STAT5B: variants seen among roughly 807,000 people sequenced by gnomAD.
STAT5B encodes the protein transcription factor STAT5B.
Under a neutral mutation model 107.8 loss-of-function variants are expected in STAT5B, and 21 were observed. The observed-to-expected ratio is 0.19, with a 90% CI of 0.14 to 0.28. STAT5B has a LOEUF of 0.28. Ranked by LOEUF, STAT5B falls within the 10% of genes least tolerant of loss-of-function variation. The probability of loss-of-function intolerance (pLI) is 1.00; values close to 1 mark genes in which losing one functional copy is unlikely to be tolerated. For synonymous variants in STAT5B, 325 were observed against 401.7 expected, an observed-to-expected ratio of 0.81 and a Z score of 2.28; for missense variants, 565 against 1,008.2, an observed-to-expected ratio of 0.56 and a Z score of 5.95.
At chr17:42,239,704 C>T (rs1173884471) in intron 1 of STAT5B, among the ~76,000 whole-genome samples, 1 of 152,180 alleles carries the variant, frequency 6.6e-6, no homozygotes, top group Admixed American at 6.5e-5. Context: ...AGAATTGTAA[C>T]ATGGTGAAAC....
At chr17:42,231,834 C>A (rs2080319872) in intron 2 of STAT5B, among the ~76,000 whole-genome samples, 166 bp downstream of exon 2, 1 of 152,154 alleles carries the variant, frequency 6.6e-6, no homozygotes, top group South Asian at 2.1e-4. Flanking sequence ...GGCTTAAATA[C>A]CTTTCACCTA....
At chr17:42,211,355 A>C (rs944589612) in intron 13 of STAT5B, among the ~76,000 whole-genome samples, 2 of 151,918 alleles carry the variant, frequency 1.3e-5, no homozygotes, top group African/African-American at 4.8e-5. Context: ...TAAAAATACA[A>C]AATTGCGGGG....
the STAT5B span, among the ~76,000 whole-genome samples, chr17:42,286,233 C>CA: frequency 0.4 from 20,558 of 50,914 alleles, 3,079 homozygotes; most frequent in South Asian, 0.46. Context: ...AACTCCATCT[C>CA]AAAAAAAAAA....
chr17:42,206,724 C>T (rs1050458793), intron 16 of STAT5B, among the ~76,000 whole-genome samples: 1 of 150,880 alleles, frequency 6.6e-6, no homozygotes. Flanking sequence ...TACAGGCATG[C>T]GCCACCATGC....
intron 1 of STAT5B, among the ~76,000 whole-genome samples, chr17:42,236,918 A>C (rs60100233): frequency 0.013 from 2,046 of 152,246 alleles, 43 homozygotes; most frequent in African/African-American, 0.047. Context: ...AGTACCCGCC[A>C]TCTTCTGCTT....
intron 1 of STAT5B, among the ~76,000 whole-genome samples, chr17:42,244,758 C>A (rs2080436635): frequency 6.6e-6 from 1 of 151,972 alleles, no homozygotes; most frequent in Non-Finnish European, 1.5e-5. Flanking sequence ...TCGGGACAAA[C>A]AGAAATAACC....
rs763095192 is a variant in STAT5B, at chr17:42,217,628, C to T, written c.1170-164G>A. 7.1e-6 allele frequency: 5 copies of T among 706,970 alleles called. No individual in the cohort carries two copies. The African/African-American group carries it at 7.1e-5, about 10-fold the overall frequency. 43.8% of individuals were successfully genotyped at this position (706,970 alleles called of 1,614,324 possible). A position where few individuals can be genotyped will look rare whatever the true frequency, so the allele number is the denominator to read the frequency against. ...AACACATACATGTAATCTTCTCGGA[C>T]GTATCTCTACAAAATGAAACAAGAT... On this transcript the variant is annotated intron_variant, in intron 9 of 18. Coordinates refer to ENST00000293328, the MANE Select transcript of STAT5B (RefSeq NM_012448.4).
At chr17:42,268,232 G>A (rs2080691061) in intron 1 of STAT5B, among the ~76,000 whole-genome samples, 1 of 152,054 alleles carries the variant, frequency 6.6e-6, no homozygotes, top group African/African-American at 2.4e-5. Context: ...TTTATGCCAT[G>A]TTTTTACTGT....
At chr17:42,285,362 G>A in the STAT5B span, among the ~76,000 whole-genome samples, 1 of 152,174 alleles carries the variant, frequency 6.6e-6, no homozygotes, top group South Asian at 2.1e-4. Context: ...AGAGTGCTGG[G>A]ATTACAGGCG....
At chr17:42,217,691 T>G (rs1184178056) in intron 9 of STAT5B, 1 of 333,630 alleles carries the variant, frequency 3.0e-6, no homozygotes, top group Non-Finnish European at 5.4e-6. Flanking sequence ...TAAGAGAACT[T>G]TTTTTTTTTT....
At chr17:42,265,377 C>CCTTTTTTTTTTTTTTTTTTTTTTTT (rs1555553898) in intron 1 of STAT5B, among the ~76,000 whole-genome samples, 1 of 110,596 alleles carries the variant, frequency 9.0e-6, no homozygotes, top group African/African-American at 3.6e-5. Flanking sequence ...ATGTACTCTT[C>CCTTTTTTTTTTTTTTTTTTTTTTTT]TTTTTTTTTT....
intron 3 of STAT5B, among the ~76,000 whole-genome samples, chr17:42,227,136 AAAATAAAT>A (rs68033349): frequency 5.3e-5 from 7 of 132,222 alleles, no homozygotes; most frequent in African/African-American, 1.7e-4. Context: ...CTCCGTCTCA[AAAATAAAT>A]AAATAAATAA....
Position 42,222,054 on chromosome 17 carries a change from TCTGTGTGTGTG to T in STAT5B, c.550+1317_550+1327del, listed in dbSNP as rs2080232805. Among the ~76,000 whole-genome samples, 9 of 141,300 alleles carry T rather than the reference TCTGTGTGTGTG, an allele frequency of 6.4e-5. 1 individual carries two copies. The South Asian group carries it at 2.1e-3, about 32-fold the overall frequency. 92.7% of individuals were successfully genotyped at this position (141,300 alleles called of 152,430 possible). On this transcript the variant is annotated intron_variant, in intron 5 of 18. Transcript: ENST00000293328. ...TGGTGTGGTGTGTGTGTGCTGTGTGTCTGTGTGTGTGCTGTGTGTGGTGTGTGTGTGCTGTG... is the reference window on the plus strand; with the variant it reads ...TGGTGTGGTGTGTGTGTGCTGTGTGTCTGTGTGTGGTGTGTGTGTGCTGTG...
rs200438304 is a variant in STAT5B at position 42,207,525 on chromosome 17, A to AC, written c.2077+32_2077+33insG. On this transcript the variant is annotated intron_variant, in intron 16 of 18. Transcript: ENST00000293328. ...CACACACACACACACACACACACAC[A>AC]ACAAAATCAAATCAGAATGCGAACA... 1,043 of 1,567,424 alleles carry AC rather than the reference A, an allele frequency of 6.7e-4. 6 individuals carry two copies. The African/African-American group carries it at 0.018, about 27-fold the overall frequency.
At chr17:42,248,273 C>CAA (rs61401221) in intron 1 of STAT5B, among the ~76,000 whole-genome samples, 740 of 67,560 alleles carry the variant, frequency 0.011, 1 homozygote, top group East Asian at 0.014. Context: ...AGATCTTGTC[C>CAA]AAAAAAAAAA....
the STAT5B span, chr17:42,288,005 GCA>G: frequency 6.6e-6 from 1 of 152,120 alleles, no homozygotes. This position sits in a 1 kb window ranked among gnomAD's most constrained non-coding sequence, Gnocchi z 4.8. Context: ...ACACACATGC[GCA>G]CACACGCGCG....
At position 42,212,047 on chromosome 17, in the gene STAT5B, G is replaced by T; in HGVS notation, c.1617C>A (p.Asn539Lys). 4 of 1,614,064 alleles carry T rather than the reference G, an allele frequency of 2.5e-6. No individual in the cohort carries two copies. The highest frequency in any genetic ancestry group is 2.5e-6 in the Non-Finnish European group (3 of 1,179,978). ...AGTCCTCCAGGTGGCTGCTGCTGTT[G>T]TTGAACAGTTTCTGCGCCAGGAACA... ...NLVFLAQKLF[N>K]NSSSHLEDYS... Residue 539 changes from asparagine (N) to lysine (K), a missense_variant, in exon 13 of 19, where the codon AAC becomes AAA. This residue lies in a region of STAT5B where 127 missense variants were observed against 215.8 expected (regional missense o/e 0.59). Coordinates refer to ENST00000293328, the MANE Select transcript of STAT5B (RefSeq NM_012448.4).
chr17:42,286,247 A>C, the STAT5B span, among the ~76,000 whole-genome samples: 1 of 151,526 alleles, frequency 6.6e-6, no homozygotes, highest in African/African-American at 2.4e-5. Flanking sequence ...AAAAAAAAAA[A>C]AAAAAAAACC....
At chr17:42,283,435 A>G in the STAT5B span, among the ~76,000 whole-genome samples, 8 of 152,224 alleles carry the variant, frequency 5.3e-5, no homozygotes, top group African/African-American at 1.9e-4. Context: ...CTCTTCGTCC[A>G]GAAAGAAACC....
Sources: gnomAD v4.1 joint callset for allele counts (sites outside exome capture counted in the v4.1 genomes callset) on GRCh38, gnomAD v4.1.1 for gene constraint, gnomAD v4.1.1 regional missense constraint, Gnocchi (gnomAD v3.1) non-coding constraint, MANE v1.5 for transcripts, NCBI Gene and HGNC (gene_info 2026-07-23, HGNC 2026-07-21) for gene names.